Variants in KIF19 observed in about 807,000 individuals in gnomAD.
The protein encoded by KIF19 is kinesin family member 19, also known as kinesin-like protein KIF19.
Under a neutral mutation model 106.6 loss-of-function variants are expected in KIF19, and 98 were observed. The observed-to-expected ratio is 0.92, with a 90% CI of 0.78 to 1.09. The LOEUF is 1.09. Ranked by LOEUF, KIF19 falls within the 50% of genes least tolerant of loss-of-function variation. KIF19 has a pLI of 0.00. For synonymous variants in KIF19, 516 were observed against 584.2 expected, an observed-to-expected ratio of 0.88 and a Z score of 1.68; for missense variants, 1,373 against 1,414.3, an observed-to-expected ratio of 0.97 and a Z score of 0.47.
chr17:74,340,555 G>GCGCGCGCACACACACACACACACACACA, intron 2 of KIF19, among the ~76,000 whole-genome samples: 17 of 148,306 alleles, frequency 1.1e-4, no homozygotes, highest in African/African-American at 3.5e-4. Context: ...ATGCGCGCGC[G>GCGCGCGCACACACACACACACACACACA]TACACACACA....
At chr17:74,350,088 T>C (rs2054654930) in intron 10 of KIF19, among the ~76,000 whole-genome samples, 1 of 152,196 alleles carries the variant, frequency 6.6e-6, no homozygotes, top group Non-Finnish European at 1.5e-5. Flanking sequence ...TGTAAGCTAC[T>C]GTGCCTGGCC....
At position 74,349,327 on chromosome 17, in the gene KIF19, G is replaced by T. The variant is rs769610217; in HGVS notation, c.1191G>T (p.Arg397=). The part of the protein sequence containing the change: ...GRGQARGRQD[R]GDIRHIQAEV... ...GCCAGGCCCGGGGCCGGCAGGATCGGGGTGACATCCGCCACATCCAAGGTG... is the reference window on the plus strand; with the variant it reads ...GCCAGGCCCGGGGCCGGCAGGATCGTGGTGACATCCGCCACATCCAAGGTG... Residue 397 remains arginine (R), a synonymous_variant, in exon 10 of 20, where the codon CGG becomes CGT. Coordinates refer to ENST00000389916, the MANE Select transcript of KIF19 (RefSeq NM_153209.4). 6.2e-7 allele frequency: 1 copy of T among 1,605,770 alleles called. No individual in the cohort carries two copies.
chr17:74,342,793 C>A (rs892723349), intron 4 of KIF19, 76 bp downstream of exon 4: 10 of 1,408,716 alleles, frequency 7.1e-6, no homozygotes, highest in Non-Finnish European at 1.0e-5. Flanking sequence ...CTAGTCTGAC[C>A]CCAGCTGGAG....
intron 2 of KIF19, among the ~76,000 whole-genome samples, chr17:74,341,345 G>C (rs1039328717): frequency 5.3e-5 from 8 of 152,186 alleles, no homozygotes; most frequent in African/African-American, 1.7e-4. Flanking sequence ...AAAAGAGACT[G>C]TATGTGTGGG....
intron 7 of KIF19, among the ~76,000 whole-genome samples, chr17:74,345,667 G>T (rs1007648075): frequency 1.3e-5 from 2 of 152,170 alleles, no homozygotes; most frequent in African/African-American, 4.8e-5. Context: ...GCTGGCACTG[G>T]AACAAATGCA....
At position 74,355,743 on chromosome 17, in the gene KIF19, G is replaced by T; in HGVS notation, c.*431G>T. The T allele has an allele frequency of 6.3e-6, 1 of 159,578 alleles. No individual in the cohort carries two copies. Among genetic ancestry groups the T allele is most frequent in the Non-Finnish European group, 1.3e-5 (1 of 74,470 alleles). 9.9% of individuals were successfully genotyped at this position (159,578 alleles called of 1,614,324 possible). ...TACAATTGGGGATGTGGGTGAGGGA[G>T]GGAATCTGGTTTTGTTACTTGGCAG... is the stretch of plus-strand genomic sequence containing the variant. On this transcript the variant is annotated 3_prime_UTR_variant, in exon 20 of 20. Transcript: ENST00000389916.
chr17:74,352,646 G>A (rs1427001524), intron 14 of KIF19, among the ~76,000 whole-genome samples, 175 bp from the exon 15 acceptor site: 1 of 152,148 alleles, frequency 6.6e-6, no homozygotes, highest in East Asian at 1.9e-4. Flanking sequence ...AGTGCCACTG[G>A]GGAAGCCTAG....
At chr17:74,353,095 T>C in intron 15 of KIF19, 101 bp from the exon 16 acceptor site, 1 of 1,394,034 alleles carries the variant, frequency 7.2e-7, no homozygotes, top group Non-Finnish European at 1.0e-6. Context: ...ACTCCTGGGT[T>C]CTCTCTCCTT....
intron 2 of KIF19, among the ~76,000 whole-genome samples, chr17:74,337,539 G>C (rs187062517): frequency 6.6e-6 from 1 of 152,182 alleles, no homozygotes; most frequent in African/African-American, 2.4e-5. Flanking sequence ...CCTGCCCATC[G>C]CCTCTTTGCC....
chr17:74,345,285 G>A (rs999021177), intron 7 of KIF19, among the ~76,000 whole-genome samples: 1 of 152,150 alleles, frequency 6.6e-6, no homozygotes. Context: ...TTTCTCCAGG[G>A]AAGGAGACTG....
chr17:74,326,279 C>A lies in KIF19; in HGVS notation c.-71C>A. 6.8e-7 allele frequency: 1 copy of A among 1,461,854 alleles called. No homozygotes were observed. Among genetic ancestry groups the A allele is most frequent in the Non-Finnish European group, 9.3e-7 (1 of 1,080,750 alleles). 90.6% of individuals were successfully genotyped at this position (1,461,854 alleles called of 1,614,324 possible). On this transcript the variant is annotated 5_prime_UTR_variant, in exon 1 of 20. Transcript: ENST00000389916. Reference sequence around the variant, plus strand: ...GGCAGCTAGCAGCTGGCGGACGCGACCCGGAGGCGGTGGGGGTGCGGCTGA... The same window carrying A: ...GGCAGCTAGCAGCTGGCGGACGCGAACCGGAGGCGGTGGGGGTGCGGCTGA...
rs1237028740 is a variant in KIF19, at chr17:74,340,867, G to T, written c.121-1009G>T. On this transcript the variant is annotated intron_variant, in intron 2 of 19. Transcript: ENST00000389916. Reference sequence around the variant, plus strand: ...GTGAGGCGGAGCAGGCAGGGCTGTAGCGAGGTGGATAGGAGTCAGTGGACT... The same window carrying T: ...GTGAGGCGGAGCAGGCAGGGCTGTATCGAGGTGGATAGGAGTCAGTGGACT... Among the ~76,000 whole-genome samples, 3 of 152,250 alleles carry T rather than the reference G, an allele frequency of 2.0e-5. No homozygotes were observed. In the East Asian group the frequency reaches 5.8e-4, roughly 29 times the overall value.
chr17:74,354,353 A>T lies in KIF19; in HGVS notation c.2500A>T (p.Ser834Cys). 1.9e-6 allele frequency: 3 copies of T among 1,606,414 alleles called. No individual in the cohort carries two copies. Among genetic ancestry groups the T allele is most frequent in the Non-Finnish European group, 2.5e-6 (3 of 1,177,108 alleles). ...CCCACTGGCCTGCAAGCGGCCGCCC[A>T]GCCCCACACTACAGCATGCTGCCAG... The part of the protein sequence containing the change: ...PGPLACKRPP[S>C]PTLQHAASED... The change falls in exon 18 of 20, where the codon AGC (serine) becomes TGC (cysteine). Residue 834 changes from serine (S) to cysteine (C), a missense_variant. Ser to Cys is a moderately radical substitution (Grantham distance 112, BLOSUM62 -1). This residue lies in a region of KIF19 where 1,020 missense variants were observed against 1,008.2 expected (regional missense o/e 1.01). Transcript: ENST00000389916.
chr17:74,342,075 T>C, intron 3 of KIF19, 89 bp downstream of exon 3: 1 of 925,452 alleles, frequency 1.1e-6, no homozygotes, highest in Non-Finnish European at 1.7e-6. Flanking sequence ...CCCCTGCCTT[T>C]GAACCTCAGC....
At chr17:74,348,853 GGT>G (rs1307679025) in intron 9 of KIF19, 2 of 293,394 alleles carry the variant, frequency 6.8e-6, no homozygotes, top group Non-Finnish European at 6.4e-6. Flanking sequence ...TGGCGTCTGT[GGT>G]GGGTATGGGG....
At chr17:74,348,988 G>C in intron 9 of KIF19, 196 bp from the exon 10 acceptor site, 1 of 593,772 alleles carries the variant, frequency 1.7e-6, no homozygotes, top group East Asian at 3.0e-5. Context: ...TTCCCCGCAG[G>C]CATTAGGAAG....
intron 9 of KIF19, 76 bp downstream of exon 9, chr17:74,347,975 C>T (rs2054587227): frequency 8.8e-6 from 13 of 1,485,262 alleles, no homozygotes; most frequent in African/African-American, 1.4e-5. Context: ...ATCCCTGCCA[C>T]CCCACTGCAC....
intron 10 of KIF19, among the ~76,000 whole-genome samples, chr17:74,349,653 C>T (rs2054638839): frequency 1.3e-5 from 2 of 152,214 alleles, no homozygotes; most frequent in African/African-American, 2.4e-5. Flanking sequence ...AGGGCTGTGG[C>T]GTAGGGCTGC....
intron 17 of KIF19, 127 bp from the exon 18 acceptor site, chr17:74,354,035 C>A: frequency 9.1e-7 from 1 of 1,095,936 alleles, no homozygotes; most frequent in Non-Finnish European, 1.3e-6. Context: ...TCTTACATAG[C>A]AAACCCCTGG....
Sources: gnomAD v4.1 joint callset for allele counts (sites outside exome capture counted in the v4.1 genomes callset) on GRCh38, gnomAD v4.1.1 for gene constraint, gnomAD v4.1.1 regional missense constraint, MANE v1.5 for transcripts, NCBI Gene and HGNC (gene_info 2026-07-23, HGNC 2026-07-21) for gene names.